The following MOK variants were observed in gnomAD, a reference collection of about 807,000 sequenced individuals.
MOK encodes the protein MOK protein kinase, also known as MAPK/MAK/MRK overlapping kinase.
Under a neutral mutation model 54.2 loss-of-function variants are expected in MOK, and 59 were observed. The ratio of observed to expected loss-of-function variants is 1.09; its 90% CI spans 0.88 to 1.35. MOK has a LOEUF of 1.35. MOK is among the 40% of genes most tolerant of loss of function. The pLI is 0.00. For missense variants in MOK, 517 were observed against 526.2 expected (o/e 0.98, Z 0.17); for synonymous variants, 210 against 202.7 (o/e 1.04, Z -0.31).
chr14:102,303,678 T>C (rs1255752534), intron 1 of MOK, among the ~76,000 whole-genome samples: 1 of 152,240 alleles, frequency 6.6e-6, no homozygotes, highest in Non-Finnish European at 1.5e-5. Context: ...TGTAGGAGAA[T>C]GTCCTTGTTC....
rs1334655813 is a variant in MOK at position 102,249,886 on chromosome 14, A to G, written c.590+926T>C. ...TGCGGGTGAGCAGGAAACAGCTCCA[A>G]GTGGGGAGATGAGTGCCTCAGCCCA... On this transcript the variant is annotated intron_variant, in intron 7 of 11. Coordinates refer to ENST00000361847, the MANE Select transcript of MOK (RefSeq NM_014226.3). The surrounding 1 kb of genome is among the most constrained non-coding windows in gnomAD (Gnocchi z 5.3). 3.3e-5 allele frequency among the ~76,000 whole-genome samples: 5 copies of G among 152,178 alleles called. No individual in the cohort carries two copies. Among genetic ancestry groups the G allele is most frequent in the Non-Finnish European group, 5.9e-5 (4 of 68,030 alleles).
the MOK span, among the ~76,000 whole-genome samples, chr14:102,218,562 T>C: frequency 6.6e-6 from 1 of 152,368 alleles, no homozygotes; most frequent in East Asian, 1.9e-4. Flanking sequence ...ATATTTTTCA[T>C]ATATATTCTG....
intron 1 of MOK, among the ~76,000 whole-genome samples, chr14:102,304,111 GATTA>G (rs887295075): frequency 2.0e-5 from 3 of 152,092 alleles, no homozygotes; most frequent in East Asian, 1.9e-4. Flanking sequence ...GGGTGAATGA[GATTA>G]ATTATTTTAA....
At chr14:102,256,005 T>C (rs1229124971) in intron 4 of MOK, among the ~76,000 whole-genome samples, 1 of 152,180 alleles carries the variant, frequency 6.6e-6, no homozygotes, top group Non-Finnish European at 1.5e-5. Context: ...CAGCTGCCAC[T>C]GTAGCCTGCA....
downstream of MOK, among the ~76,000 whole-genome samples, chr14:102,224,309 G>C (rs2064159070): frequency 6.6e-6 from 1 of 151,988 alleles, no homozygotes; most frequent in Non-Finnish European, 1.5e-5. Flanking sequence ...CAAAGTGCTG[G>C]GATTACAGGC....
Position 102,287,989 on chromosome 14 carries a change from C to T in MOK, c.8-4397G>A, listed in dbSNP as rs548686258. On this transcript the variant is annotated intron_variant, in intron 1 of 11. Transcript: ENST00000361847. ...AGCTGGGATTACAGGCGCCCGCCAC[C>T]GCGCCCGGCTAATTTTTTGTATTTT... Among the ~76,000 whole-genome samples, 1,079 of 151,734 alleles carry T rather than the reference C, an allele frequency of 7.1e-3. 27 individuals carry two copies. The highest frequency in any genetic ancestry group is 0.025 in the African/African-American group (1,016 of 41,168).
chr14:102,265,773 G>A (rs754617433), intron 3 of MOK, 50 bp downstream of exon 3: 19 of 1,449,080 alleles, frequency 1.3e-5, no homozygotes, highest in Non-Finnish European at 1.6e-5. Flanking sequence ...CTTAAAAAGA[G>A]ATTATTTTCA....
intron 7 of MOK, among the ~76,000 whole-genome samples, chr14:102,244,389 T>C (rs1207445116): frequency 6.6e-6 from 1 of 152,162 alleles, no homozygotes; most frequent in African/African-American, 2.4e-5. Context: ...ACAGGCCCAT[T>C]CTATTCTGTC....
At chr14:102,258,739 A>G (rs148920514) in intron 4 of MOK, among the ~76,000 whole-genome samples, 276 of 152,324 alleles carry the variant, frequency 1.8e-3, no homozygotes, top group Non-Finnish European at 3.0e-3. Context: ...CTCTTATGAT[A>G]TCACTTTCAT....
At position 102,229,479 on chromosome 14, in the gene MOK, T is replaced by G. The variant is rs776643895; in HGVS notation, c.1160A>C (p.Lys387Thr). The change falls in exon 11 of 12, where the codon AAG (lysine) becomes ACG (threonine). Residue 387 changes from lysine (K) to threonine (T), a missense_variant. Coordinates refer to ENST00000361847, the MANE Select transcript of MOK (RefSeq NM_014226.3). ...NGRVPVLRPLKCIPASKKTDP... is the reference protein window; with the variant it reads ...NGRVPVLRPLTCIPASKKTDP... The stretch of plus-strand genomic sequence containing the variant: ...TACCTTCTTGCTCGCAGGGATGCAC[T>G]TCAAGGGTCTCAGCACCGGCACTCT... The G allele has an allele frequency of 6.2e-7, 1 of 1,614,196 alleles. No homozygotes were observed. Among genetic ancestry groups the G allele is most frequent in the Non-Finnish European group, 8.5e-7 (1 of 1,180,034 alleles).
At chr14:102,255,354 T>G (rs2066867083) in intron 4 of MOK, among the ~76,000 whole-genome samples, 1 of 151,934 alleles carries the variant, frequency 6.6e-6, no homozygotes, top group South Asian at 2.1e-4. Context: ...AAAAAGCAGA[T>G]TTCAAGGCCT....
At chr14:102,282,598 G>C (rs901808366) in intron 2 of MOK, among the ~76,000 whole-genome samples, 1 of 151,978 alleles carries the variant, frequency 6.6e-6, no homozygotes, top group South Asian at 2.1e-4. Context: ...AGCCAGGCGT[G>C]TGGTGTGCTC....
At chr14:102,303,007 A>G (rs998625455) in intron 1 of MOK, among the ~76,000 whole-genome samples, 1 of 151,750 alleles carries the variant, frequency 6.6e-6, no homozygotes. Context: ...ACCAAAAAAT[A>G]CAAGTTAGCT....
chr14:102,218,488 G>A, the MOK span, among the ~76,000 whole-genome samples: 8 of 152,214 alleles, frequency 5.3e-5, no homozygotes, highest in Admixed American at 3.9e-4. Flanking sequence ...TCTCCAGTCC[G>A]AGCAGCACCT....
chr14:102,252,072 T>C, intron 4 of MOK, 77 bp from the exon 5 acceptor site: 1 of 884,908 alleles, frequency 1.1e-6, no homozygotes, highest in Admixed American at 2.4e-5. Flanking sequence ...ATAATCTATT[T>C]TTATTTAACA....
chr14:102,222,253 C>T (rs540302177), downstream of MOK, among the ~76,000 whole-genome samples: 23 of 152,346 alleles, frequency 1.5e-4, no homozygotes, highest in African/African-American at 5.3e-4. This position sits in a 1 kb window ranked among gnomAD's most constrained non-coding sequence, Gnocchi z 4.4. Flanking sequence ...CCCCCGACCT[C>T]GGCCTGGGCC....
At chr14:102,261,246 T>G in intron 4 of MOK, among the ~76,000 whole-genome samples, 1 of 119,544 alleles carries the variant, frequency 8.4e-6, no homozygotes, top group Admixed American at 8.1e-5. Flanking sequence ...AGAGCGAGAC[T>G]CTGCCTACAA....
At chr14:102,216,803 G>A in the MOK span, among the ~76,000 whole-genome samples, 1 of 152,094 alleles carries the variant, frequency 6.6e-6, no homozygotes, top group African/African-American at 2.4e-5. Context: ...GGTGGCGGGC[G>A]CCTGTAGTCC....
At chr14:102,247,221 C>A (rs1799867557) in intron 7 of MOK, among the ~76,000 whole-genome samples, 1 of 152,206 alleles carries the variant, frequency 6.6e-6, no homozygotes, top group Non-Finnish European at 1.5e-5. Flanking sequence ...CCCTTTACAA[C>A]CACTCAGAGC....
Sources: allele counts gnomAD v4.1 joint callset (sites outside exome capture counted in the v4.1 genomes callset), GRCh38; gene constraint gnomAD v4.1.1; non-coding constraint Gnocchi (gnomAD v3.1); transcripts MANE v1.5; gene names NCBI Gene and HGNC (gene_info 2026-07-23, HGNC 2026-07-21).